The following SORCS3 variants were observed in gnomAD, a reference collection of about 807,000 sequenced individuals.
The protein encoded by SORCS3 is sortilin related VPS10 domain containing receptor 3, also known as VPS10 domain-containing receptor SorCS3.
In SORCS3, 57 loss-of-function variants were observed where a neutral mutation model predicts 146.3. The observed-to-expected ratio is 0.39, with a 90% CI of 0.31 to 0.49. SORCS3 has a LOEUF of 0.49. Among genes scored for constraint, SORCS3 ranks in the 20% least tolerant of loss-of-function variants. SORCS3 has a pLI of 0.92. For synonymous variants in SORCS3, 653 were observed against 618.5 expected (o/e 1.06, Z -0.83); for missense variants, 1,341 against 1,575.5 (o/e 0.85, Z 2.52).
At chr10:105,145,039 A>T (rs1232499618) in intron 8 of SORCS3, among the ~76,000 whole-genome samples, 1 of 151,998 alleles carries the variant, frequency 6.6e-6, no homozygotes, top group African/African-American at 2.4e-5. Flanking sequence ...CTAAGGGTCT[A>T]CTCCAGACAT....
intron 1 of SORCS3, among the ~76,000 whole-genome samples, chr10:104,730,418 T>C (rs1486861083): frequency 6.6e-6 from 1 of 152,164 alleles, no homozygotes; most frequent in Non-Finnish European, 1.5e-5. Flanking sequence ...TGGCAAGTGT[T>C]AGAGGAGGTG....
chr10:104,792,205 A>T (rs2133500818), intron 1 of SORCS3, among the ~76,000 whole-genome samples: 1 of 152,130 alleles, frequency 6.6e-6, no homozygotes, highest in South Asian at 2.1e-4. Flanking sequence ...TGAATTCAAA[A>T]CTCAGGGCCT....
chr10:104,677,305 C>A (rs2015922045), intron 1 of SORCS3, among the ~76,000 whole-genome samples: 1 of 152,182 alleles, frequency 6.6e-6, no homozygotes, highest in Admixed American at 6.5e-5. Flanking sequence ...TTTGCTTTCT[C>A]TTTTGCAAAG....
At chr10:104,690,869 T>C (rs991882545) in intron 1 of SORCS3, among the ~76,000 whole-genome samples, 1 of 152,180 alleles carries the variant, frequency 6.6e-6, no homozygotes, top group Admixed American at 6.5e-5. Context: ...AGAGCCCCCA[T>C]GTGTGTTCAG....
chr10:104,940,238 A>ATATATATATATATATATATATAT (rs1435205868), intron 3 of SORCS3, among the ~76,000 whole-genome samples: 1 of 31,518 alleles, frequency 3.2e-5, no homozygotes, highest in Non-Finnish European at 6.1e-5. Flanking sequence ...ATATATATAT[A>ATATATATATATATATATATATAT]TTTTTTTTTT....
At chr10:105,091,396 C>CTCCT (rs1295902164) in intron 6 of SORCS3, among the ~76,000 whole-genome samples, 1,078 of 36,704 alleles carry the variant, frequency 0.029, 235 homozygotes, top group Middle Eastern at 0.094. Flanking sequence ...CCTTCCTTCC[C>CTCCT]TCCTTCCTTC....
chr10:104,977,662 C>T (rs1411198893), intron 4 of SORCS3, among the ~76,000 whole-genome samples, 169 bp downstream of exon 4: 1 of 151,512 alleles, frequency 6.6e-6, no homozygotes, highest in Non-Finnish European at 1.5e-5. Flanking sequence ...CCTTTCTGCT[C>T]TTAAGTATCA....
chr10:105,158,026 A>G, intron 10 of SORCS3, among the ~76,000 whole-genome samples: 1 of 152,186 alleles, frequency 6.6e-6, no homozygotes, highest in Non-Finnish European at 1.5e-5. Context: ...TTGGGACTAC[A>G]ATGGTAAATA....
chr10:104,820,989 CTGAT>C (rs1164389061), intron 1 of SORCS3, among the ~76,000 whole-genome samples: 2 of 152,150 alleles, frequency 1.3e-5, no homozygotes, highest in Non-Finnish European at 2.9e-5. Flanking sequence ...GATTGATTGA[CTGAT>C]TGAACAGAAA....
At chr10:104,835,478 T>G (rs2018056130) in intron 1 of SORCS3, among the ~76,000 whole-genome samples, 1 of 152,032 alleles carries the variant, frequency 6.6e-6, no homozygotes, top group Non-Finnish European at 1.5e-5. Context: ...TTTAGGAAGG[T>G]TTAATGAACT....
intron 3 of SORCS3, among the ~76,000 whole-genome samples, chr10:104,937,204 A>G (rs1299790123): frequency 6.6e-6 from 1 of 152,202 alleles, no homozygotes; most frequent in Non-Finnish European, 1.5e-5. Context: ...GAGCTCAGGC[A>G]GTAATGTTGG....
chr10:104,801,457 G>A (rs1056585881), intron 1 of SORCS3, among the ~76,000 whole-genome samples: 1 of 152,150 alleles, frequency 6.6e-6, no homozygotes, highest in Non-Finnish European at 1.5e-5. Flanking sequence ...TAATTTTGAG[G>A]AATGTAAAAA....
At chr10:104,859,441 G>A (rs75814072) in intron 2 of SORCS3, among the ~76,000 whole-genome samples, 7,765 of 152,166 alleles carry the variant, frequency 0.051, 250 homozygotes, top group East Asian at 0.14. Context: ...AGACTTAAAC[G>A]TTAGACCTAA....
At chr10:105,209,342 C>T (rs1253300313) in intron 16 of SORCS3, among the ~76,000 whole-genome samples, 6 of 151,960 alleles carry the variant, frequency 3.9e-5, no homozygotes, top group Admixed American at 3.3e-4. Flanking sequence ...GGGGTTTCAC[C>T]ATGTTGGCCA....
intron 4 of SORCS3, among the ~76,000 whole-genome samples, chr10:104,990,064 T>C (rs143820673): frequency 6.6e-6 from 1 of 152,332 alleles, no homozygotes; most frequent in East Asian, 1.9e-4. Flanking sequence ...TATTTGCATT[T>C]CTTTGCCTGA....
At chr10:105,120,898 G>T (rs890885716) in intron 7 of SORCS3, among the ~76,000 whole-genome samples, 1 of 152,126 alleles carries the variant, frequency 6.6e-6, no homozygotes, top group Non-Finnish European at 1.5e-5. Flanking sequence ...TACTATTAGC[G>T]TCTCCATGGG....
intron 7 of SORCS3, among the ~76,000 whole-genome samples, chr10:105,109,788 ATATAT>A (rs1334110040): frequency 6.6e-6 from 1 of 152,054 alleles, no homozygotes; most frequent in Non-Finnish European, 1.5e-5. Context: ...TATTGATACA[ATATAT>A]TATATCAAAA....
Position 104,915,876 on chromosome 10 carries a change from G to C in SORCS3, c.739G>C (p.Val247Leu). 1 of 1,614,110 alleles carries C rather than the reference G, an allele frequency of 6.2e-7. No individual in the cohort carries two copies. The highest frequency in any genetic ancestry group is 8.5e-7 in the Non-Finnish European group (1 of 1,180,004). The change falls in exon 3 of 27, where the codon GTG (valine) becomes CTG (leucine). Residue 247 changes from valine to leucine, a missense_variant. Val to Leu is a conservative substitution (Grantham distance 32, BLOSUM62 1). Coordinates refer to ENST00000369701, the MANE Select transcript of SORCS3 (RefSeq NM_014978.3). Reference protein sequence around the residue: ...GTTYEKLNDKVGLKTVLSYLY... With the variant: ...GTTYEKLNDKLGLKTVLSYLY... ...CACCTATGAAAAGCTGAATGACAAA[G>C]TGGGTTTGAAGACTGTCCTCAGTTA...
chr10:105,150,404 T>G (rs1286496310), intron 9 of SORCS3, among the ~76,000 whole-genome samples: 1 of 152,132 alleles, frequency 6.6e-6, no homozygotes, highest in Admixed American at 6.6e-5. Flanking sequence ...ATGTGATCTG[T>G]GCAGGCAGAT....
Sources: gnomAD v4.1 joint callset for allele counts (sites outside exome capture counted in the v4.1 genomes callset) on GRCh38, gnomAD v4.1.1 for gene constraint, MANE v1.5 for transcripts, NCBI Gene and HGNC (gene_info 2026-07-23, HGNC 2026-07-21) for gene names.